Variants in RBPJ observed in about 807,000 individuals in gnomAD.
RBPJ encodes recombining binding protein suppressor of hairless.
Under a neutral mutation model 67.8 loss-of-function variants are expected in RBPJ, and 9 were observed. The observed-to-expected ratio is 0.13, with a 90% CI of 0.08 to 0.23. The LOEUF is 0.23. RBPJ is among the 10% of genes least tolerant of loss of function. RBPJ has a pLI of 1.00. For missense variants in RBPJ, 305 were observed against 595.6 expected (o/e 0.51, Z 5.08); for synonymous variants, 198 against 203.3 (o/e 0.97, Z 0.22).
intron 1 of RBPJ, among the ~76,000 whole-genome samples, chr4:26,272,446 C>T (rs754560742): frequency 6.6e-6 from 1 of 152,076 alleles, no homozygotes; most frequent in Non-Finnish European, 1.5e-5. Flanking sequence ...TGACACATGC[C>T]TGTAGTCCCA....
At chr4:26,216,345 G>C (rs1300243598) in intron 1 of RBPJ, among the ~76,000 whole-genome samples, 1 of 152,188 alleles carries the variant, frequency 6.6e-6, no homozygotes, top group Non-Finnish European at 1.5e-5. Context: ...TAATGAATGA[G>C]AGATTTGCTC....
At chr4:26,225,254 G>C (rs1426434329) in intron 1 of RBPJ, among the ~76,000 whole-genome samples, 1 of 152,152 alleles carries the variant, frequency 6.6e-6, no homozygotes, top group African/African-American at 2.4e-5. Context: ...GTCTTTACTT[G>C]GTAGGCAAAT....
At chr4:26,417,245 A>G (rs957807119) in intron 4 of RBPJ, among the ~76,000 whole-genome samples, 1 of 152,240 alleles carries the variant, frequency 6.6e-6, no homozygotes, top group Non-Finnish European at 1.5e-5. Flanking sequence ...TCCAGCTTCC[A>G]GTAATTTTAA....
Position 26,337,997 on chromosome 4 carries a change from A to G in RBPJ, c.20+16949A>G, listed in dbSNP as rs77446289. ...TCTATGGTTTTTTCCCTAGTTTTTC[A>G]TTTGTCATTCATTTTTATTTATTTT... On this transcript the variant is annotated intron_variant, in intron 1 of 10. Transcript: ENST00000355476. 2.7e-3 allele frequency among the ~76,000 whole-genome samples: 397 copies of G among 148,196 alleles called. 9 individuals carry two copies. In the East Asian group the frequency reaches 0.057, roughly 21 times the overall value.
intron 3 of RBPJ, among the ~76,000 whole-genome samples, chr4:26,412,760 T>C (rs1734172508): frequency 6.6e-6 from 1 of 152,194 alleles, no homozygotes; most frequent in East Asian, 1.9e-4. Context: ...TTTCCAAAAT[T>C]GATGCCTTCT....
intron 1 of RBPJ, among the ~76,000 whole-genome samples, chr4:26,257,565 C>T (rs1720382578): frequency 1.3e-5 from 2 of 152,124 alleles, no homozygotes; most frequent in South Asian, 2.1e-4. Flanking sequence ...GGAGGTGGAG[C>T]TTGCAGTGAG....
At chr4:26,300,980 T>A (rs1402960029) in intron 1 of RBPJ, among the ~76,000 whole-genome samples, 1 of 152,230 alleles carries the variant, frequency 6.6e-6, no homozygotes, top group Non-Finnish European at 1.5e-5. Context: ...ATCTGACCTG[T>A]GGTTCTAGAC....
chr4:26,339,327 C>T (rs948719558), intron 1 of RBPJ, among the ~76,000 whole-genome samples: 3 of 152,058 alleles, frequency 2.0e-5, no homozygotes, highest in Non-Finnish European at 2.9e-5. Flanking sequence ...AATTCAAACC[C>T]GTATCTCCAG....
At chr4:26,129,796 G>A in the RBPJ span, among the ~76,000 whole-genome samples, 2 of 152,110 alleles carry the variant, frequency 1.3e-5, no homozygotes, top group Admixed American at 6.6e-5. Context: ...TATCTAGGAT[G>A]GAGGTGGACA....
intron 1 of RBPJ, among the ~76,000 whole-genome samples, chr4:26,225,982 T>G (rs1719061515): frequency 6.6e-6 from 1 of 151,712 alleles, no homozygotes; most frequent in African/African-American, 2.4e-5. Context: ...ACCTTGTCTC[T>G]ACTAAAAATA....
intron 1 of RBPJ, chr4:26,384,452 A>C (rs1287341197): frequency 1.3e-5 from 2 of 152,180 alleles, no homozygotes; most frequent in African/African-American, 4.8e-5. Context: ...TACAGTAGAG[A>C]AATCTTTAAG....
chr4:26,407,268 A>G (rs985826743), intron 3 of RBPJ, among the ~76,000 whole-genome samples: 7 of 152,198 alleles, frequency 4.6e-5, no homozygotes, highest in Non-Finnish European at 7.3e-5. Context: ...TAATTGAGCT[A>G]TGGAATGATT....
chr4:26,368,836 G>T (rs1286059085), intron 1 of RBPJ, among the ~76,000 whole-genome samples: 1 of 152,190 alleles, frequency 6.6e-6, no homozygotes, highest in East Asian at 1.9e-4. Flanking sequence ...CCTGGGGCAG[G>T]GATAGGCCAG....
intron 1 of RBPJ, among the ~76,000 whole-genome samples, chr4:26,275,106 C>T (rs1273391643): frequency 6.6e-6 from 1 of 152,080 alleles, no homozygotes; most frequent in African/African-American, 2.4e-5. Flanking sequence ...GAGATGTCAT[C>T]GTCCCTATTT....
intron 1 of RBPJ, among the ~76,000 whole-genome samples, chr4:26,244,809 T>C (rs1426977943): frequency 2.6e-5 from 4 of 152,024 alleles, no homozygotes; most frequent in African/African-American, 9.7e-5. Context: ...TAATTTTGTA[T>C]TTTTAGTAGA....
chr4:26,432,571 A>T lies in RBPJ; in HGVS notation c.*1564A>T, dbSNP rs1349608160. 6.6e-6 allele frequency: 1 copy of T among 152,140 alleles called. No individual in the cohort carries two copies. The highest frequency in any genetic ancestry group is 2.4e-5 in the African/African-American group (1 of 41,424). 9.4% of individuals were successfully genotyped at this position (152,140 alleles called of 1,614,324 possible). A position where few individuals can be genotyped will look rare whatever the true frequency, so the allele number is the denominator to read the frequency against. ...GGTTTTACCGTGCTTTCATTCCTGA[A>T]CTTTGTTTATGCCTTTGTTTGGTTT... On this transcript the variant is annotated 3_prime_UTR_variant, in exon 11 of 11. Transcript: ENST00000355476.
rs556823125 is a variant in RBPJ at position 26,306,438 on chromosome 4, A to AATTATTATTATTATT, written c.-166-55992_-166-55978dup. 3.2e-3 allele frequency among the ~76,000 whole-genome samples: 472 copies of AATTATTATTATTATT among 147,162 alleles called. 2 individuals carry two copies. The highest frequency in any genetic ancestry group is 6.4e-3 in the African/African-American group (254 of 39,698). On this transcript the variant is annotated intron_variant, in intron 1 of 4. Coordinates refer to the RBPJ transcript ENST00000512351. ...TAGTTTTCTTATCATTTATTTGGAG[A>AATTATTATTATTATT]ATTATTATTATTATTATTATTATTA... is the stretch of plus-strand genomic sequence containing the variant.
At chr4:26,212,432 CTT>C (rs370447105) in intron 1 of RBPJ, among the ~76,000 whole-genome samples, 18,794 of 110,688 alleles carry the variant, frequency 0.17, 992 homozygotes, top group Middle Eastern at 0.25. Context: ...CTTTTCTTTT[CTT>C]TTTTTTTTTT....
chr4:26,205,924 T>C (rs1401609574), intron 1 of RBPJ, among the ~76,000 whole-genome samples: 1 of 152,124 alleles, frequency 6.6e-6, no homozygotes, highest in African/African-American at 2.4e-5. Context: ...AAAAAACTTC[T>C]AAATGAAACT....
Sources: gnomAD v4.1 joint callset for allele counts (sites outside exome capture counted in the v4.1 genomes callset) on GRCh38, gnomAD v4.1.1 for gene constraint, MANE v1.5 for transcripts, NCBI Gene and HGNC (gene_info 2026-07-23, HGNC 2026-07-21) for gene names.